The following TTC28 variants were observed in gnomAD, a reference collection of about 807,000 sequenced individuals.
TTC28 encodes the protein tetratricopeptide repeat protein 28.
Under a neutral mutation model 198.0 loss-of-function variants are expected in TTC28, and 61 were observed. The ratio of observed to expected loss-of-function variants is 0.31; its 90% confidence interval spans 0.25 to 0.38. TTC28 has a LOEUF of 0.38. TTC28 is among the 10% of genes least tolerant of loss of function. The pLI is 1.00. For synonymous variants in TTC28, 1,171 were observed against 1,297.8 expected (o/e 0.90, Z 2.10); for missense variants, 2,678 against 3,164.0 (o/e 0.85, Z 3.69).
intron 1 of TTC28, among the ~76,000 whole-genome samples, chr22:28,661,011 G>A (rs187910899): frequency 1.3e-5 from 2 of 152,034 alleles, no homozygotes; most frequent in East Asian, 1.9e-4. Context: ...AAGGCCAGCC[G>A]CAGTGGCTTA....
chr22:28,189,296 G>GCATT (rs1924499776), intron 5 of TTC28, among the ~76,000 whole-genome samples: 1 of 152,046 alleles, frequency 6.6e-6, no homozygotes, highest in African/African-American at 2.4e-5. Flanking sequence ...GAAGTCTTCA[G>GCATT]AATTTTAAAT....
chr22:28,582,043 A>G (rs963283798), intron 2 of TTC28, among the ~76,000 whole-genome samples: 1 of 152,136 alleles, frequency 6.6e-6, no homozygotes, highest in Non-Finnish European at 1.5e-5. Flanking sequence ...TAATTTTATG[A>G]CCTATAAAGC....
intron 2 of TTC28, among the ~76,000 whole-genome samples, chr22:28,514,531 C>T (rs2048744958): frequency 6.6e-6 from 1 of 152,196 alleles, no homozygotes; most frequent in African/African-American, 2.4e-5. Flanking sequence ...CAACAAAAGG[C>T]CGGAAGCTGG....
At chr22:28,661,579 C>T (rs1279510186) in intron 1 of TTC28, among the ~76,000 whole-genome samples, 2 of 151,904 alleles carry the variant, frequency 1.3e-5, no homozygotes, top group African/African-American at 2.4e-5. Context: ...GCCACCATAC[C>T]CGGCTAATTT....
intron 13 of TTC28, among the ~76,000 whole-genome samples, chr22:28,016,465 C>T (rs1176903620): frequency 6.6e-6 from 1 of 152,356 alleles, no homozygotes; most frequent in East Asian, 1.9e-4. Flanking sequence ...AGGCTGCCAT[C>T]CAGACAGCAG....
chr22:28,489,654 T>C (rs979407009), intron 2 of TTC28, among the ~76,000 whole-genome samples: 5 of 151,784 alleles, frequency 3.3e-5, no homozygotes, highest in Non-Finnish European at 7.4e-5. Flanking sequence ...GGTATGGTGG[T>C]GCATGCCTGT....
chr22:28,536,382 T>C (rs2049278648), intron 2 of TTC28, among the ~76,000 whole-genome samples: 1 of 151,306 alleles, frequency 6.6e-6, no homozygotes, highest in African/African-American at 2.4e-5. Flanking sequence ...CCCAGCACTT[T>C]GGGAGGCCGA....
At chr22:28,518,772 A>G (rs1013415857) in intron 2 of TTC28, among the ~76,000 whole-genome samples, 2 of 152,222 alleles carry the variant, frequency 1.3e-5, no homozygotes, top group Non-Finnish European at 2.9e-5. Context: ...AAAAGACAGA[A>G]TTCATCTATC....
chr22:28,043,346 T>C (rs1014516597), intron 12 of TTC28, among the ~76,000 whole-genome samples: 3 of 149,920 alleles, frequency 2.0e-5, no homozygotes, highest in Non-Finnish European at 4.4e-5. Context: ...GTATCAGACG[T>C]GTATTACTGC....
chr22:28,611,507 T>A (rs2050818530), intron 2 of TTC28, among the ~76,000 whole-genome samples: 1 of 96,800 alleles, frequency 1.0e-5, no homozygotes, highest in Non-Finnish European at 2.2e-5. Flanking sequence ...TTTTTTTAAT[T>A]TTTTTTTTTT....
intron 22 of TTC28, among the ~76,000 whole-genome samples, chr22:27,984,562 G>A (rs1937146703): frequency 6.6e-6 from 1 of 151,928 alleles, no homozygotes; most frequent in African/African-American, 2.4e-5. Context: ...GCATGTTTCT[G>A]TCTCCATGCC....
intron 2 of TTC28, among the ~76,000 whole-genome samples, chr22:28,337,659 C>A (rs898308983): frequency 6.6e-6 from 1 of 152,174 alleles, no homozygotes. Flanking sequence ...AGTAGGATTG[C>A]AACACCTGCC....
chr22:28,268,439 C>T (rs542339623), intron 5 of TTC28, among the ~76,000 whole-genome samples: 2 of 152,154 alleles, frequency 1.3e-5, no homozygotes, highest in African/African-American at 4.8e-5. Context: ...CACTGAAAAA[C>T]ATCCTTGAAG....
chr22:28,184,716 TTCA>T (rs1298637096), intron 5 of TTC28, among the ~76,000 whole-genome samples: 2 of 152,146 alleles, frequency 1.3e-5, no homozygotes, highest in South Asian at 2.1e-4. Context: ...GATCAAATTA[TTCA>T]TCATATTAAT....
chr22:28,298,541 A>C (rs1162051797), intron 3 of TTC28, among the ~76,000 whole-genome samples: 2 of 152,082 alleles, frequency 1.3e-5, no homozygotes, highest in Non-Finnish European at 2.9e-5. Flanking sequence ...TCAACCTTCT[A>C]GACTCAAGTA....
At chr22:28,584,995 C>G (rs914299509) in intron 2 of TTC28, among the ~76,000 whole-genome samples, 3 of 152,110 alleles carry the variant, frequency 2.0e-5, no homozygotes, top group African/African-American at 7.2e-5. Flanking sequence ...TTTAAGAAGT[C>G]TGGCTCTGAA....
chr22:28,226,160 G>T (rs1928326332), intron 5 of TTC28, among the ~76,000 whole-genome samples: 1 of 152,178 alleles, frequency 6.6e-6, no homozygotes, highest in African/African-American at 2.4e-5. Context: ...AAATTTGTAG[G>T]AGTGAAACGG....
chr22:28,144,395 T>C (rs1365260593), intron 6 of TTC28, among the ~76,000 whole-genome samples: 1 of 152,262 alleles, frequency 6.6e-6, no homozygotes, highest in South Asian at 2.1e-4. Context: ...CTATCAGGTA[T>C]ACCTTCAAGT....
At chr22:28,451,897 C>G (rs1046743652) in intron 2 of TTC28, among the ~76,000 whole-genome samples, 1 of 152,122 alleles carries the variant, frequency 6.6e-6, no homozygotes, top group Non-Finnish European at 1.5e-5. Flanking sequence ...TTAATTAAAA[C>G]TTATCTGGAA....
Sources: allele counts gnomAD v4.1 joint callset (sites outside exome capture counted in the v4.1 genomes callset), GRCh38; gene constraint gnomAD v4.1.1; transcripts MANE v1.5; gene names NCBI Gene and HGNC (gene_info 2026-07-23, HGNC 2026-07-21).